The following HSPG2 variants were observed in gnomAD, a reference collection of about 807,000 sequenced individuals.
HSPG2 encodes the protein basement membrane-specific heparan sulfate proteoglycan core protein.
HSPG2 carries 278 observed loss-of-function variants against 526.6 expected under a neutral mutation model. The ratio of observed to expected loss-of-function variants is 0.53; its 90% CI spans 0.48 to 0.58. The LOEUF is 0.58. Among genes scored for constraint, HSPG2 ranks in the 20% least tolerant of loss-of-function variants. The pLI is 0.00. For synonymous variants in HSPG2, 2,465 were observed against 2,555.4 expected (o/e 0.96, Z 1.07); for missense variants, 5,354 against 6,099.5 (o/e 0.88, Z 4.07).
At position 21,873,915 on chromosome 1, in the gene HSPG2, CCT is replaced by C. The variant is rs562518182; in HGVS notation, c.3743+8_3743+9del. 1.3e-5 allele frequency: 21 copies of C among 1,572,034 alleles called. No individual in the cohort carries two copies. In the South Asian group the frequency reaches 1.9e-4, roughly 14 times the overall value. On this transcript the variant is annotated splice_region_variant and intron_variant, in intron 29 of 96. Transcript: ENST00000374695. The stretch of plus-strand genomic sequence containing the variant: ...GCGCATCCCCCCACCCTCTCCACCC[CCT>C]GCCTCACCTCTCACAGTGACGCCCA...
chr1:21,875,234 CT>C (rs1640957367), intron 25 of HSPG2: 1 of 610,508 alleles, frequency 1.6e-6, no homozygotes, highest in South Asian at 1.9e-5. Flanking sequence ...CCTCGTTCCC[CT>C]GGGGTCCCCA....
At chr1:21,863,684 G>A (rs1374376353) in intron 37 of HSPG2, among the ~76,000 whole-genome samples, 1 of 149,290 alleles carries the variant, frequency 6.7e-6, no homozygotes, top group East Asian at 2.0e-4. Flanking sequence ...GAGGCAGAAC[G>A]AGACTGAGAC....
At position 21,867,060 on chromosome 1, in the gene HSPG2, AT is replaced by A. The variant is rs760247347; in HGVS notation, c.4222-1252del. 5.1e-3 allele frequency among the ~76,000 whole-genome samples: 384 copies of A among 74,654 alleles called. 1 individual carries two copies. Among genetic ancestry groups the A allele is most frequent in the Non-Finnish European group, 6.9e-3 (281 of 40,762 alleles). The allele number at this position is 74,654 out of a possible 152,430, so 49.0% of individuals were successfully genotyped here. ...GCACAGTGATTTTTAAAAATTTTTT[AT>A]TTTTTTTTTCACCTTTTTTTTTTAA... On this transcript the variant is annotated intron_variant, in intron 33 of 96. Transcript: ENST00000374695.
chr1:21,928,348 C>T (rs954414188), intron 1 of HSPG2, among the ~76,000 whole-genome samples: 1 of 152,246 alleles, frequency 6.6e-6, no homozygotes, highest in Non-Finnish European at 1.5e-5. Flanking sequence ...GTGCAGGGGC[C>T]AGAGCACGCC....
intron 79 of HSPG2, 31 bp from the exon 80 acceptor site, chr1:21,833,415 G>A: frequency 1.2e-6 from 2 of 1,614,114 alleles, no homozygotes; most frequent in Non-Finnish European, 1.7e-6. Context: ...TGAAGACCCT[G>A]CCAGTCAGGG....
In HSPG2 at chr1:21,865,789, C is replaced by T. The variant is rs1427081244; in HGVS notation, c.4242G>A (p.Lys1414=). ...QGDKVAAYGG[K]LRYTLSYTAG... ...CTGTGTAGGAGAGGGTGTATCGCAA[C>T]TTCCCACCGTAGGCCGCCACCTGCA... is the stretch of plus-strand genomic sequence containing the variant. The change falls in exon 34 of 97, where the codon AAG becomes AAA. Residue 1414 remains lysine, a synonymous_variant. Coordinates refer to ENST00000374695, the MANE Select transcript of HSPG2 (RefSeq NM_005529.7). The surrounding 1 kb of genome is among the most constrained non-coding windows in gnomAD (Gnocchi z 5.4). 2 of 1,613,650 alleles carry T rather than the reference C, an allele frequency of 1.2e-6. No homozygotes were observed. Among genetic ancestry groups the T allele is most frequent in the African/African-American group, 1.3e-5 (1 of 74,892 alleles).
intron 1 of HSPG2, among the ~76,000 whole-genome samples, chr1:21,916,071 G>GAAA (rs1027701117): frequency 8.2e-6 from 1 of 122,468 alleles, no homozygotes; most frequent in Non-Finnish European, 1.6e-5. Flanking sequence ...AGAAGAAGAA[G>GAAA]AAAAAAAAAA....
rs34492352 is a variant in HSPG2 at position 21,890,777 on chromosome 1, TGGG to T, written c.245-86_245-84del. The T allele has an allele frequency of 1.9e-6, 2 of 1,027,618 alleles. 1 individual carries two copies. The highest frequency in any genetic ancestry group is 3.1e-5 in the African/African-American group (2 of 63,584). 63.7% of individuals were successfully genotyped at this position (1,027,618 alleles called of 1,614,324 possible). On this transcript the variant is annotated intron_variant, in intron 3 of 96. Transcript: ENST00000374695. This position sits in a 1 kb window ranked among gnomAD's most constrained non-coding sequence, Gnocchi z 4.1. ...GGCAGTTGGACCATTCAGGCAGAGT[TGGG>T]GGGATGGCCCCCAGAGGCCTCCCTC...
chr1:21,825,716 A>C (rs1274448570), intron 91 of HSPG2, among the ~76,000 whole-genome samples: 1 of 152,236 alleles, frequency 6.6e-6, no homozygotes, highest in East Asian at 1.9e-4. Flanking sequence ...ATCCAGCTAC[A>C]GACACCACTG....
chr1:21,915,377 A>G (rs1006568301), intron 1 of HSPG2, among the ~76,000 whole-genome samples: 1 of 152,222 alleles, frequency 6.6e-6, no homozygotes, highest in Non-Finnish European at 1.5e-5. Context: ...CAGCAGCTGA[A>G]AGGGCAGATA....
chr1:21,823,813 G>T, intron 95 of HSPG2, 94 bp from the exon 96 acceptor site: 1 of 962,012 alleles, frequency 1.0e-6, no homozygotes, highest in Non-Finnish European at 1.7e-6. Flanking sequence ...CGAGACTCCA[G>T]ACTCAGAAGT....
rs547092667 is a variant in HSPG2 at position 21,913,309 on chromosome 1, G to C, written c.64-16999C>G. Among the ~76,000 whole-genome samples the C allele has an allele frequency of 2.0e-5, 3 of 152,314 alleles. No homozygotes were observed. The East Asian group carries it at 5.8e-4, about 29-fold the overall frequency. On this transcript the variant is annotated intron_variant, in intron 1 of 96. Transcript: ENST00000374695. ...CACCCAGAGCTGGTCCCTCCAGCCTGTCTTCAAGCCCCAGTCAGACAGGCC... is the reference window on the plus strand; with the variant it reads ...CACCCAGAGCTGGTCCCTCCAGCCTCTCTTCAAGCCCCAGTCAGACAGGCC...
chr1:21,835,303 CT>C (rs2098022023), intron 76 of HSPG2: 2 of 604,462 alleles, frequency 3.3e-6, no homozygotes, highest in East Asian at 5.6e-5. Context: ...CTGATTCAAT[CT>C]TCATCGGTTC....
rs7515291 is a variant in HSPG2, at chr1:21,830,967, G to A, written c.11671+15C>T. ...AGGCCCTGGGGCGACAGCGACTGGC[G>A]GTCGGGGTGCGTACCTGGATGGCAG... On this transcript the variant is annotated intron_variant, in intron 85 of 96. Transcript: ENST00000374695. 1,925 of 1,545,074 alleles carry A rather than the reference G, an allele frequency of 1.2e-3. 22 individuals carry two copies. The African/African-American group carries it at 0.024, about 19-fold the overall frequency.
chr1:21,831,295 C>CG lies in HSPG2; in HGVS notation c.11481dup (p.Glu3828ArgfsTer7). ...TTGAGGTCATGGAAGACGATCTCCTCGCCCTGGATGCGCAGCTCCCGGACA... is the reference window on the plus strand; with the variant it reads ...TTGAGGTCATGGAAGACGATCTCCTCGGCCCTGGATGCGCAGCTCCCGGACA... On this transcript the variant is annotated frameshift_variant, in exon 84 of 97. Transcript: ENST00000374695. LOFTEE classifies it high-confidence loss of function. 1 of 1,614,062 alleles carries CG rather than the reference C, an allele frequency of 6.2e-7. No individual in the cohort carries two copies.
chr1:21,920,591 T>C (rs910521265), intron 1 of HSPG2, among the ~76,000 whole-genome samples: 3 of 152,248 alleles, frequency 2.0e-5, no homozygotes, highest in South Asian at 2.1e-4. Flanking sequence ...TTTAATGTTA[T>C]ATGGAGTGAA....
intron 1 of HSPG2, among the ~76,000 whole-genome samples, chr1:21,908,797 C>T (rs1643514453): frequency 6.6e-6 from 1 of 152,162 alleles, no homozygotes; most frequent in South Asian, 2.1e-4. Context: ...CTGTGTCCCA[C>T]CTGCAAAAGG....
At chr1:21,823,771 G>T in intron 95 of HSPG2, 52 bp from the exon 96 acceptor site, 1 of 1,420,262 alleles carries the variant, frequency 7.0e-7, no homozygotes. Flanking sequence ...GGTCCTCCCC[G>T]GCCCCACGAC....
Position 21,855,139 on chromosome 1 carries a change from G to GGCAGGGGCTCCCTGCTGGGAT in HSPG2, c.5997+144_5998-157dup, listed in dbSNP as rs560998877. ...ACAAACGCCAGGCAGCCAAGAGGAC[G>GGCAGGGGCTCCCTGCTGGGAT]GCAGGGGCTCCCTGCTGGGATGCAG... On this transcript the variant is annotated intron_variant, in intron 47 of 96. Transcript: ENST00000374695. 8.6e-3 allele frequency among the ~76,000 whole-genome samples: 1,314 copies of GGCAGGGGCTCCCTGCTGGGAT among 152,246 alleles called. 18 individuals are homozygous for GGCAGGGGCTCCCTGCTGGGAT. The highest frequency in any genetic ancestry group is 0.03 in the African/African-American group (1,262 of 41,524).
Sources: allele counts gnomAD v4.1 joint callset (sites outside exome capture counted in the v4.1 genomes callset), GRCh38; gene constraint gnomAD v4.1.1; non-coding constraint Gnocchi (gnomAD v3.1); transcripts MANE v1.5; gene names NCBI Gene and HGNC (gene_info 2026-07-23, HGNC 2026-07-21).